The following ADAMTSL1 variants were observed in gnomAD, a reference collection of about 807,000 sequenced individuals.
ADAMTSL1 encodes ADAMTS-like protein 1.
ADAMTSL1 carries 126 observed loss-of-function variants against 201.8 expected under a neutral mutation model. The ratio of observed to expected loss-of-function variants is 0.62; its 90% CI spans 0.54 to 0.72. ADAMTSL1 has a LOEUF of 0.72. Among genes scored for constraint, ADAMTSL1 ranks in the 30% least tolerant of loss-of-function variants. The pLI, the probability that ADAMTSL1 is intolerant of heterozygous loss-of-function variation, is 0.00. For synonymous variants in ADAMTSL1, 1,121 were observed against 903.4 expected (o/e 1.24, Z -4.32); for missense variants, 2,679 against 2,277.8 (o/e 1.18, Z -3.59).
At chr9:18,093,552 C>G (rs1181344425) in intron 1 of ADAMTSL1, among the ~76,000 whole-genome samples, 1 of 152,080 alleles carries the variant, frequency 6.6e-6, no homozygotes, top group Non-Finnish European at 1.5e-5. Context: ...CCTCATTTTC[C>G]TAAGCTTCTA....
At chr9:17,989,214 A>G (rs533638016) in intron 1 of ADAMTSL1, among the ~76,000 whole-genome samples, 1 of 152,100 alleles carries the variant, frequency 6.6e-6, no homozygotes, top group East Asian at 1.9e-4. Context: ...ACAGTCCTTG[A>G]TAACTCCTTT....
intron 1 of ADAMTSL1, among the ~76,000 whole-genome samples, chr9:17,992,000 A>C (rs998104198): frequency 6.6e-6 from 1 of 151,936 alleles, no homozygotes; most frequent in Non-Finnish European, 1.5e-5. Context: ...CCTCTTTCAT[A>C]CCTAGAGAGG....
chr9:18,552,415 G>A (rs145917987), intron 3 of ADAMTSL1, among the ~76,000 whole-genome samples: 7 of 151,738 alleles, frequency 4.6e-5, no homozygotes, highest in Admixed American at 1.3e-4. Flanking sequence ...GCTAACAATT[G>A]CATTATGATT....
chr9:18,555,159 G>A (rs1821030402), intron 3 of ADAMTSL1, among the ~76,000 whole-genome samples: 2 of 151,668 alleles, frequency 1.3e-5, no homozygotes, highest in East Asian at 1.9e-4. Context: ...TTACAGTCCT[G>A]GCATTACGAG....
At chr9:18,825,102 G>C (rs1237774485) in intron 21 of ADAMTSL1, among the ~76,000 whole-genome samples, 1 of 152,060 alleles carries the variant, frequency 6.6e-6, no homozygotes, top group African/African-American at 2.4e-5. Flanking sequence ...GGTGCTTTCT[G>C]CTCCCTAGAG....
At chr9:18,349,519 A>G (rs1457085318) in intron 2 of ADAMTSL1, among the ~76,000 whole-genome samples, 1 of 152,192 alleles carries the variant, frequency 6.6e-6, no homozygotes, top group Non-Finnish European at 1.5e-5. Flanking sequence ...AGAATATGAT[A>G]AACCTCAAGA....
intron 1 of ADAMTSL1, among the ~76,000 whole-genome samples, chr9:17,957,401 C>T (rs180828823): frequency 3.3e-5 from 5 of 152,076 alleles, no homozygotes; most frequent in Non-Finnish European, 5.9e-5. Context: ...CCAATGGACT[C>T]GACAGATGCC....
At chr9:18,522,687 G>A (rs1227612160) in intron 2 of ADAMTSL1, among the ~76,000 whole-genome samples, 2 of 149,846 alleles carry the variant, frequency 1.3e-5, no homozygotes, top group Non-Finnish European at 3.0e-5. Flanking sequence ...GAGAACATGC[G>A]ATGTTTGTTT....
chr9:18,491,745 A>G (rs926207527), intron 1 of ADAMTSL1, among the ~76,000 whole-genome samples: 1 of 152,286 alleles, frequency 6.6e-6, no homozygotes, highest in South Asian at 2.1e-4. Context: ...CCAAAACGTA[A>G]ATATTTCTGT....
intron 2 of ADAMTSL1, among the ~76,000 whole-genome samples, chr9:18,374,782 T>A (rs1420805389): frequency 6.6e-6 from 1 of 152,190 alleles, no homozygotes; most frequent in African/African-American, 2.4e-5. Context: ...AGTAGGCTTG[T>A]CCATTTATTA....
chr9:18,891,855 T>C (rs1477036098), intron 25 of ADAMTSL1, among the ~76,000 whole-genome samples: 1 of 152,220 alleles, frequency 6.6e-6, no homozygotes, highest in Non-Finnish European at 1.5e-5. Context: ...GGATCTCCTT[T>C]AGGAAGTACC....
intron 14 of ADAMTSL1, among the ~76,000 whole-genome samples, chr9:18,709,140 G>A (rs1305552339): frequency 6.6e-6 from 1 of 152,110 alleles, no homozygotes; most frequent in African/African-American, 2.4e-5. Flanking sequence ...ACTGTGCCAA[G>A]GTAATATATT....
chr9:18,721,786 G>A (rs1833400619), intron 15 of ADAMTSL1, 121 bp downstream of exon 15: 2 of 1,418,508 alleles, frequency 1.4e-6, no homozygotes, highest in South Asian at 1.5e-5. Flanking sequence ...ATTAGCATCA[G>A]TTCAAACTTT....
intron 2 of ADAMTSL1, among the ~76,000 whole-genome samples, chr9:18,222,263 G>A (rs772183357): frequency 1.3e-5 from 2 of 151,532 alleles, no homozygotes; most frequent in Non-Finnish European, 3.0e-5. Context: ...TTCAAAACTG[G>A]TCAATTTGTA....
chr9:18,304,061 G>A (rs971884685), intron 2 of ADAMTSL1, among the ~76,000 whole-genome samples: 1 of 152,072 alleles, frequency 6.6e-6, no homozygotes, highest in Non-Finnish European at 1.5e-5. Flanking sequence ...ATCTTTCAGG[G>A]TCTATTTATG....
chr9:17,928,145 C>A (rs1826630039), intron 1 of ADAMTSL1, among the ~76,000 whole-genome samples: 1 of 151,938 alleles, frequency 6.6e-6, no homozygotes. Context: ...CAGGGATACG[C>A]CAACCAGGCC....
At chr9:18,626,554 A>T (rs922826934) in intron 5 of ADAMTSL1, among the ~76,000 whole-genome samples, 17 of 152,242 alleles carry the variant, frequency 1.1e-4, no homozygotes, top group Non-Finnish European at 1.9e-4. Context: ...GCTAGAGAAA[A>T]TGATATGAGG....
chr9:18,199,963 C>T lies in ADAMTSL1; in HGVS notation c.207+35982C>T, dbSNP rs183634943. Among the ~76,000 whole-genome samples the T allele has an allele frequency of 1.1e-4, 17 of 151,936 alleles. No individual in the cohort carries two copies. The East Asian group carries it at 2.5e-3, about 23-fold the overall frequency. On this transcript the variant is annotated intron_variant, in intron 2 of 29. Transcript: ENST00000680146. Reference sequence around the variant, plus strand: ...TATATAAATATATGAATATTGTCTCCAAGCTAATTATAGCTTGTCTGATTA... The same window carrying T: ...TATATAAATATATGAATATTGTCTCTAAGCTAATTATAGCTTGTCTGATTA...
chr9:18,621,504 A>T (rs1826028629), intron 4 of ADAMTSL1, among the ~76,000 whole-genome samples: 1 of 151,526 alleles, frequency 6.6e-6, no homozygotes, highest in Non-Finnish European at 1.5e-5. Context: ...AAGGCAAATG[A>T]CAGGGTCTTA....
Sources: gnomAD v4.1 joint callset for allele counts (sites outside exome capture counted in the v4.1 genomes callset) on GRCh38, gnomAD v4.1.1 for gene constraint, MANE v1.5 for transcripts, NCBI Gene and HGNC (gene_info 2026-07-23, HGNC 2026-07-21) for gene names.